Variants in GLI3 observed in about 807,000 individuals in gnomAD.
GLI3 encodes the protein GLI family zinc finger 3.
In GLI3, 20 loss-of-function variants were observed where a neutral mutation model predicts 100.8. The ratio of observed to expected loss-of-function variants is 0.20; its 90% CI spans 0.14 to 0.29. GLI3 has a LOEUF of 0.29. Ranked by LOEUF, GLI3 falls within the 10% of genes least tolerant of loss-of-function variation. The probability of loss-of-function intolerance (pLI) is 1.00; values close to 1 mark genes in which losing one functional copy is unlikely to be tolerated. For missense variants in GLI3, 2,040 were observed against 2,128.5 expected (o/e 0.96, Z 0.82); for synonymous variants, 938 against 860.5 (o/e 1.09, Z -1.58).
chr7:42,069,979 G>T (rs940870509), intron 4 of GLI3, among the ~76,000 whole-genome samples: 1 of 152,222 alleles, frequency 6.6e-6, no homozygotes, highest in Non-Finnish European at 1.5e-5. Flanking sequence ...CAAGCCATAG[G>T]TATCTGAAGG....
intron 10 of GLI3, among the ~76,000 whole-genome samples, chr7:41,986,944 T>C (rs916126964): frequency 6.3e-5 from 9 of 142,366 alleles, no homozygotes; most frequent in Admixed American, 3.8e-4. Context: ...AGGAAGAAGG[T>C]TGAAGGAACA....
intron 2 of GLI3, among the ~76,000 whole-genome samples, chr7:42,209,106 G>A (rs779813774): frequency 6.6e-6 from 1 of 152,044 alleles, no homozygotes; most frequent in Non-Finnish European, 1.5e-5. Context: ...CCACACTGGA[G>A]TGCAATGGCA....
chr7:42,238,025 T>TTCTC (rs1788864767), upstream of GLI3, among the ~76,000 whole-genome samples: 1 of 108,976 alleles, frequency 9.2e-6, no homozygotes, highest in African/African-American at 4.8e-5. Context: ...TCCTCCTCCT[T>TTCTC]CTCCTCCTCC....
At chr7:42,068,000 T>C (rs1049541029) in intron 4 of GLI3, among the ~76,000 whole-genome samples, 1 of 152,254 alleles carries the variant, frequency 6.6e-6, no homozygotes, top group African/African-American at 2.4e-5. Flanking sequence ...TATTAGGTGA[T>C]GGGATTTTTA....
chr7:41,972,394 A>C lies in GLI3; in HGVS notation c.2046T>G (p.Thr682=). ...ALGEQQDLSN[T]TSKREECLQV... The stretch of plus-strand genomic sequence containing the variant: ...GGAGGCATTCTTCCCGCTTTGAGGT[A>C]GTGTTGCTGAGGTCCTGCTGCTCAC... Residue 682 remains threonine, a synonymous_variant, in exon 13 of 15, where the codon ACT becomes ACG. Transcript: ENST00000395925. The surrounding 1 kb of genome is among the most constrained non-coding windows in gnomAD (Gnocchi z 4.4). 6.2e-7 allele frequency: 1 copy of C among 1,613,678 alleles called. No individual in the cohort carries two copies. The highest frequency in any genetic ancestry group is 8.5e-7 in the Non-Finnish European group (1 of 1,179,954).
intron 1 of GLI3, among the ~76,000 whole-genome samples, chr7:42,247,775 C>T (rs1028197194): frequency 1.3e-5 from 2 of 152,228 alleles, no homozygotes; most frequent in Admixed American, 6.5e-5. Flanking sequence ...GTAGATGTAG[C>T]ATCTGGTCAG....
At chr7:42,236,271 C>G (rs953135644) in intron 1 of GLI3, among the ~76,000 whole-genome samples, 1 of 152,162 alleles carries the variant, frequency 6.6e-6, no homozygotes, top group African/African-American at 2.4e-5. Flanking sequence ...TCTGTGTAAA[C>G]GCGGCACCTT....
intron 10 of GLI3, among the ~76,000 whole-genome samples, chr7:42,011,363 AAATAAAGCAAAGAG>A (rs1431047732): frequency 6.6e-6 from 1 of 152,248 alleles, no homozygotes; most frequent in African/African-American, 2.4e-5. Flanking sequence ...GCAGTTTCTG[AAATAAAGCAAAGAG>A]AATCACCATA....
At chr7:42,172,590 T>C (rs62443803) in intron 2 of GLI3, 113,492 of 702,892 alleles carry the variant, frequency 0.16, 10,517 homozygotes, top group Non-Finnish European at 0.2. Flanking sequence ...TCCAAGAGGA[T>C]CTGTGGCTGA....
At chr7:42,024,400 C>T (rs146019200) in intron 9 of GLI3, among the ~76,000 whole-genome samples, 30 of 151,674 alleles carry the variant, frequency 2.0e-4, no homozygotes, top group East Asian at 7.8e-4. Context: ...TGCTGTCTGG[C>T]GATATGCAAG....
intron 4 of GLI3, among the ~76,000 whole-genome samples, chr7:42,052,569 G>A (rs914604479): frequency 6.6e-6 from 1 of 152,164 alleles, no homozygotes; most frequent in Admixed American, 6.5e-5. Flanking sequence ...GAGCTGCCGT[G>A]AGGGCTGAAA....
At chr7:42,219,016 TG>T (rs1422188732) in intron 2 of GLI3, among the ~76,000 whole-genome samples, 2 of 152,152 alleles carry the variant, frequency 1.3e-5, no homozygotes, top group African/African-American at 2.4e-5. Flanking sequence ...AAGATTTAGA[TG>T]AAAAAAACTC....
At position 42,237,138 on chromosome 7, in the gene GLI3, G is replaced by T. The variant is rs1228495319; in HGVS notation, c.-210C>A. On this transcript the variant is annotated 5_prime_UTR_variant, in exon 1 of 15. Transcript: ENST00000395925. ...CGGGCATGGTGCGGCGCGGGCGGCC[G>T]CGGGGCGCGCGGGGAAGGCGGGAGA... 1.3e-5 allele frequency: 2 copies of T among 148,524 alleles called. No homozygotes were observed. The highest frequency in any genetic ancestry group is 6.7e-5 in the Admixed American group (1 of 14,882). The allele number at this position is 148,524 out of a possible 1,614,324, so 9.2% of individuals were successfully genotyped here.
chr7:42,050,788 C>T (rs1461011394), intron 4 of GLI3, among the ~76,000 whole-genome samples: 1 of 152,192 alleles, frequency 6.6e-6, no homozygotes, highest in Non-Finnish European at 1.5e-5. Context: ...TCTTGATTTA[C>T]CCAAAGATTG....
rs71006467 is a variant in GLI3 at position 42,246,805 on chromosome 7, C to CT, written c.-43+17188dup. ...TTAAAGGCTCATTGGATGATAGAAT[C>CT]TTTTTTTTTTTTTTTTTTTTTTTTT... On this transcript the variant is annotated intron_variant, in intron 1 of 2. Coordinates refer to the GLI3 transcript ENST00000678978. 9.8e-3 allele frequency among the ~76,000 whole-genome samples: 931 copies of CT among 94,880 alleles called. 128 individuals are homozygous for CT. Among genetic ancestry groups the CT allele is most frequent in the Admixed American group, 0.021 (167 of 8,108 alleles). 62.2% of individuals were successfully genotyped at this position (94,880 alleles called of 152,430 possible).
intron 10 of GLI3, among the ~76,000 whole-genome samples, chr7:42,000,502 G>A (rs1788256203): frequency 6.6e-6 from 1 of 152,122 alleles, no homozygotes; most frequent in Admixed American, 6.5e-5. Context: ...GGAGGTCCAC[G>A]AACATTCTTT....
At chr7:42,192,241 T>G (rs564419451) in intron 2 of GLI3, among the ~76,000 whole-genome samples, 34 of 152,292 alleles carry the variant, frequency 2.2e-4, no homozygotes, top group Non-Finnish European at 3.8e-4. Context: ...AAAGTTCATC[T>G]AGTAAAAATG....
intron 7 of GLI3, among the ~76,000 whole-genome samples, chr7:42,031,584 T>A (rs861677): frequency 0.52 from 78,629 of 152,130 alleles, 21,624 homozygotes; most frequent in African/African-American, 0.72. Context: ...CAATACACTT[T>A]GAGAAACATT....
At chr7:41,986,442 G>C (rs893302161) in intron 10 of GLI3, among the ~76,000 whole-genome samples, 1 of 95,952 alleles carries the variant, frequency 1.0e-5, no homozygotes, top group Non-Finnish European at 1.9e-5. Context: ...ACCTCCCCAA[G>C]GAAAGCTGGA....
Sources: allele counts gnomAD v4.1 joint callset (sites outside exome capture counted in the v4.1 genomes callset), GRCh38; gene constraint gnomAD v4.1.1; non-coding constraint Gnocchi (gnomAD v3.1); transcripts MANE v1.5; gene names NCBI Gene and HGNC (gene_info 2026-07-23, HGNC 2026-07-21).